Variants in LAMA3 observed in about 807,000 individuals in gnomAD.
The protein encoded by LAMA3 is laminin subunit alpha 3.
In LAMA3, 281 loss-of-function variants were observed where a neutral mutation model predicts 402.0. The ratio of observed to expected loss-of-function variants is 0.70; its 90% CI spans 0.63 to 0.77. The LOEUF is 0.77. Ranked by LOEUF, LAMA3 falls within the 30% of genes least tolerant of loss-of-function variation. The pLI is 0.00. For missense variants in LAMA3, 3,840 were observed against 4,215.5 expected (o/e 0.91, Z 2.47); for synonymous variants, 1,431 against 1,558.4 (o/e 0.92, Z 1.93).
At chr18:23,890,232 G>A (rs1352018954) in intron 42 of LAMA3, 115 bp downstream of exon 42, 2 of 753,600 alleles carry the variant, frequency 2.7e-6, no homozygotes, top group East Asian at 2.7e-5. Context: ...CAGCCAGCAA[G>A]CTGTCCCCAG....
chr18:23,694,676 T>C (rs1342914265), intron 1 of LAMA3, among the ~76,000 whole-genome samples: 3 of 152,222 alleles, frequency 2.0e-5, no homozygotes, highest in Non-Finnish European at 2.9e-5. Flanking sequence ...TTACCCGCTA[T>C]ACTACTGTCA....
rs1228331152 is a variant in LAMA3 at position 23,905,372 on chromosome 18, C to T, written c.6616-150C>T. 5.3e-6 allele frequency: 3 copies of T among 569,794 alleles called. No homozygotes were observed. The East Asian group carries it at 9.9e-5, about 19-fold the overall frequency. 35.3% of individuals were successfully genotyped at this position (569,794 alleles called of 1,614,324 possible). A position where few individuals can be genotyped will look rare whatever the true frequency, so the allele number is the denominator to read the frequency against. On this transcript the variant is annotated intron_variant, in intron 51 of 74. Coordinates refer to ENST00000313654, the MANE Select transcript of LAMA3 (RefSeq NM_198129.4). ...ATAGGTGTTAGGGCTACCTGGAGCC[C>T]TAACTCTTTTAGGGAACAATCTAGT...
intron 40 of LAMA3, among the ~76,000 whole-genome samples, chr18:23,883,917 C>A (rs916604294): frequency 6.6e-6 from 1 of 152,032 alleles, no homozygotes; most frequent in Non-Finnish European, 1.5e-5. Flanking sequence ...TAGTGCTGAC[C>A]AATGTCTAAC....
chr18:23,929,820 T>C (rs2082111264), intron 64 of LAMA3, among the ~76,000 whole-genome samples: 1 of 152,130 alleles, frequency 6.6e-6, no homozygotes. Context: ...CTAACACTTG[T>C]TTCCTCTGCC....
intron 34 of LAMA3, among the ~76,000 whole-genome samples, chr18:23,861,199 G>A (rs1027996165): frequency 6.6e-6 from 1 of 151,762 alleles, no homozygotes; most frequent in South Asian, 2.1e-4. Flanking sequence ...AAATTAACTG[G>A]CTTCCTTTGT....
intron 21 of LAMA3, among the ~76,000 whole-genome samples, chr18:23,825,088 C>T (rs186044675): frequency 2.0e-4 from 30 of 152,294 alleles, no homozygotes; most frequent in African/African-American, 7.2e-4. Context: ...AAGCAAGAGG[C>T]TACAGGAGCC....
intron 23 of LAMA3, 38 bp downstream of exon 23, chr18:23,827,505 A>G: frequency 1.9e-6 from 3 of 1,605,554 alleles, no homozygotes; most frequent in South Asian, 2.2e-5. Flanking sequence ...AGTTATTACT[A>G]CCTCCCCATC....
At chr18:23,861,098 A>T (rs996623401) in intron 34 of LAMA3, among the ~76,000 whole-genome samples, 3 of 152,170 alleles carry the variant, frequency 2.0e-5, no homozygotes, top group Non-Finnish European at 4.4e-5. Flanking sequence ...AATACTTTGT[A>T]AATCTGCTCT....
At chr18:23,805,042 A>T (rs182488253) in intron 12 of LAMA3, among the ~76,000 whole-genome samples, 1 of 152,352 alleles carries the variant, frequency 6.6e-6, no homozygotes, top group Admixed American at 6.5e-5. Flanking sequence ...GCAACATAAA[A>T]ATAGCCTAAT....
chr18:23,746,339 G>A lies in LAMA3; in HGVS notation c.448-1604G>A, dbSNP rs2061650889. Among the ~76,000 whole-genome samples the A allele has an allele frequency of 2.0e-5, 3 of 152,278 alleles. No individual in the cohort carries two copies. In the South Asian group the frequency reaches 6.2e-4, roughly 32 times the overall value. On this transcript the variant is annotated intron_variant, in intron 2 of 74. Coordinates refer to ENST00000313654, the MANE Select transcript of LAMA3 (RefSeq NM_198129.4). ...GTAAATCTCTGTGCCTGAGAGGAGT[G>A]GTTCTCAAAGTATGGATGAGAACCT...
chr18:23,916,896 A>AG lies in LAMA3; in HGVS notation c.7923+205dup, dbSNP rs928316765. Among the ~76,000 whole-genome samples the AG allele has an allele frequency of 6.0e-4, 90 of 149,278 alleles. 1 individual carries two copies. Among genetic ancestry groups the AG allele is most frequent in the Middle Eastern group, 6.9e-3 (2 of 290 alleles). ...TTTTTTTTTTAACATTTTTAGTTTCAGGGGTGCAGGTGCAGGTTTGTTATA... is the reference window on the plus strand; with the variant it reads ...TTTTTTTTTTAACATTTTTAGTTTCAGGGGGTGCAGGTGCAGGTTTGTTATA... On this transcript the variant is annotated intron_variant, in intron 60 of 74. Coordinates refer to ENST00000313654, the MANE Select transcript of LAMA3 (RefSeq NM_198129.4).
intron 39 of LAMA3, among the ~76,000 whole-genome samples, chr18:23,876,876 C>T (rs750614893): frequency 4.6e-5 from 7 of 152,142 alleles, no homozygotes; most frequent in Non-Finnish European, 1.0e-4. Flanking sequence ...CCAACATTAG[C>T]TGGGCATGGT....
chr18:23,706,588 T>C (rs1351954138), intron 1 of LAMA3, among the ~76,000 whole-genome samples: 3 of 152,198 alleles, frequency 2.0e-5, no homozygotes, highest in Non-Finnish European at 4.4e-5. Flanking sequence ...ATTGTGTTTA[T>C]ATGTGTTTCC....
At chr18:23,911,942 TTA>T (rs1214664379) in intron 55 of LAMA3, among the ~76,000 whole-genome samples, 1 of 145,374 alleles carries the variant, frequency 6.9e-6, no homozygotes, top group Non-Finnish European at 1.5e-5. Flanking sequence ...AAATTATATA[TTA>T]TATAACATAT....
chr18:23,804,152 T>C (rs1401935776), intron 12 of LAMA3, among the ~76,000 whole-genome samples: 1 of 152,174 alleles, frequency 6.6e-6, no homozygotes, highest in African/African-American at 2.4e-5. Context: ...AAAAAAGTTA[T>C]CTGCAGAGGA....
In LAMA3 at chr18:23,954,598, G is replaced by A. The variant is rs778292375; in HGVS notation, c.9952G>A (p.Ala3318Thr). Residue 3318 changes from alanine to threonine, a missense_variant, in exon 75 of 75, where the codon GCC (alanine) becomes ACC (threonine). This residue lies in a region of LAMA3 where 840 missense variants were observed against 981.9 expected (regional missense o/e 0.86). Coordinates refer to ENST00000313654, the MANE Select transcript of LAMA3 (RefSeq NM_198129.4). The part of the protein sequence containing the change: ...VNHIPVPVTE[A>T]LEVQGPVSLN... ...TCACATCCCTGTCCCTGTCACTGAAGCCTTGGAAGTCCAGGGGCCTGTCAG... is the reference window on the plus strand; with the variant it reads ...TCACATCCCTGTCCCTGTCACTGAAACCTTGGAAGTCCAGGGGCCTGTCAG... 3 of 1,613,982 alleles carry A rather than the reference G, an allele frequency of 1.9e-6. No individual in the cohort carries two copies. The highest frequency in any genetic ancestry group is 2.5e-6 in the Non-Finnish European group (3 of 1,179,964).
intron 1 of LAMA3, among the ~76,000 whole-genome samples, chr18:23,693,096 C>G (rs889629109): frequency 2.0e-5 from 3 of 152,214 alleles, no homozygotes; most frequent in Admixed American, 6.5e-5. Context: ...GTAATCCCAG[C>G]ACTTTGGGAG....
At chr18:23,847,397 G>C (rs2063840094) in intron 31 of LAMA3, 67 bp from the exon 32 acceptor site, 1 of 1,515,208 alleles carries the variant, frequency 6.6e-7, no homozygotes, top group South Asian at 1.1e-5. Context: ...CCTGGCAGTT[G>C]GTGGAGTGCT....
chr18:23,706,965 C>A (rs1395158849), intron 1 of LAMA3, among the ~76,000 whole-genome samples: 1 of 152,166 alleles, frequency 6.6e-6, no homozygotes, highest in Non-Finnish European at 1.5e-5. Context: ...GTAATCCCAG[C>A]TACTCAGGAG....
Sources: allele counts gnomAD v4.1 joint callset (sites outside exome capture counted in the v4.1 genomes callset), GRCh38; gene constraint gnomAD v4.1.1; regional missense constraint gnomAD v4.1.1; transcripts MANE v1.5; gene names NCBI Gene and HGNC (gene_info 2026-07-23, HGNC 2026-07-21).